MED13L: variants seen among roughly 807,000 people sequenced by gnomAD.
The protein encoded by MED13L is mediator of RNA polymerase II transcription subunit 13-like.
Under a neutral mutation model 220.9 loss-of-function variants are expected in MED13L, and 7 were observed. That is an observed-to-expected ratio of 0.03 (90% CI 0.02 to 0.06). The LOEUF (loss-of-function observed/expected upper bound fraction) is 0.06. MED13L is among the 10% of genes least tolerant of loss of function. The pLI is 1.00. For synonymous variants in MED13L, 1,011 were observed against 1,015.2 expected (o/e 1.00, Z 0.08); for missense variants, 1,965 against 2,760.5 (o/e 0.71, Z 6.46).
intron 2 of MED13L, among the ~76,000 whole-genome samples, chr12:116,186,002 C>T (rs765483654): frequency 1.3e-5 from 2 of 152,136 alleles, no homozygotes; most frequent in African/African-American, 2.4e-5. Flanking sequence ...CCATCATATG[C>T]TTTTCTTTCT....
intron 4 of MED13L, among the ~76,000 whole-genome samples, chr12:116,068,339 T>G (rs1870111256): frequency 6.6e-6 from 1 of 152,216 alleles, no homozygotes; most frequent in African/African-American, 2.4e-5. Flanking sequence ...AATAAGAGCT[T>G]TTAAAACAAA....
At chr12:116,170,972 C>T (rs1226851245) in intron 2 of MED13L, among the ~76,000 whole-genome samples, 2 of 152,224 alleles carry the variant, frequency 1.3e-5, no homozygotes, top group Admixed American at 1.3e-4. Flanking sequence ...AATACAACTA[C>T]CAGAGTTGTT....
At chr12:116,222,812 G>C (rs923669397) in intron 2 of MED13L, among the ~76,000 whole-genome samples, 1 of 152,138 alleles carries the variant, frequency 6.6e-6, no homozygotes, top group African/African-American at 2.4e-5. Flanking sequence ...ATTTAGAAAG[G>C]AGATGCAACC....
At chr12:116,274,636 G>A (rs1302089639) in intron 1 of MED13L, among the ~76,000 whole-genome samples, 1 of 151,280 alleles carries the variant, frequency 6.6e-6, no homozygotes. Flanking sequence ...TCTCAATTTG[G>A]AATCAGAAAA....
intron 2 of MED13L, among the ~76,000 whole-genome samples, chr12:116,177,110 C>A (rs73398814): frequency 0.018 from 2,780 of 152,128 alleles, 80 homozygotes; most frequent in African/African-American, 0.064. Context: ...TTAATTTTCA[C>A]AAAGTGAACA....
At chr12:116,088,460 T>C (rs745715046) in intron 4 of MED13L, among the ~76,000 whole-genome samples, 32 of 152,154 alleles carry the variant, frequency 2.1e-4, no homozygotes, top group South Asian at 4.1e-4. Context: ...AATCTGGCAC[T>C]ATCTGGAGAC....
At chr12:116,053,633 G>T (rs1273974295) in intron 4 of MED13L, among the ~76,000 whole-genome samples, 1 of 152,110 alleles carries the variant, frequency 6.6e-6, no homozygotes, top group Non-Finnish European at 1.5e-5. Flanking sequence ...TGAAGCAGAA[G>T]GGAGGAAGGG....
chr12:116,103,999 C>CTTTTTTTTTTTTTTTTTT (rs36066243), intron 3 of MED13L, among the ~76,000 whole-genome samples: 5 of 57,418 alleles, frequency 8.7e-5, no homozygotes, highest in Non-Finnish European at 1.5e-4. Context: ...GGACATTGCT[C>CTTTTTTTTTTTTTTTTTT]TTTTTTTTTT....
At chr12:116,250,836 T>C (rs575680286) in intron 1 of MED13L, among the ~76,000 whole-genome samples, 6 of 151,052 alleles carry the variant, frequency 4.0e-5, no homozygotes, top group African/African-American at 1.5e-4. Flanking sequence ...TAAAGGCTTA[T>C]TAACTGTTTA....
At chr12:116,187,749 C>T (rs991868240) in intron 2 of MED13L, among the ~76,000 whole-genome samples, 1 of 152,012 alleles carries the variant, frequency 6.6e-6, no homozygotes, top group African/African-American at 2.4e-5. Context: ...TAATCAAATA[C>T]CATGCAAACT....
chr12:116,165,259 C>CTTTTTTTTTTTTTTTT (rs34196219), intron 2 of MED13L, among the ~76,000 whole-genome samples: 1 of 74,486 alleles, frequency 1.3e-5, no homozygotes, highest in African/African-American at 5.9e-5. Flanking sequence ...AGGCACCATC[C>CTTTTTTTTTTTTTTTT]TTTTTTTTTT....
rs771909088 is a variant in MED13L at position 115,972,137 on chromosome 12, G to C, written c.5831C>G (p.Ser1944Cys). The part of the protein sequence containing the change: ...MCGISAADSP[S>C]ILSACLVAME... ...GGCAACCAGGCAGGCACTAAGGATA[G>C]AAGGAGAGTCTGCGGCAGAGATTCC... The change falls in exon 26 of 31, where the codon TCT becomes TGT. Residue 1944 changes from serine (S) to cysteine (C), a missense_variant. By Grantham distance (112) the Ser-to-Cys change is moderately radical. Around this residue, in one of 10 missense-constraint regions of MED13L, gnomAD observed 23 missense variants for 20.4 expected, o/e 1.12. Coordinates refer to ENST00000281928, the MANE Select transcript of MED13L (RefSeq NM_015335.5). The C allele has an allele frequency of 1.9e-6, 3 of 1,614,050 alleles. No individual in the cohort carries two copies. The South Asian group carries it at 3.3e-5, about 18-fold the overall frequency.
chr12:116,216,652 C>T (rs140474374), intron 2 of MED13L, among the ~76,000 whole-genome samples: 57 of 152,246 alleles, frequency 3.7e-4, no homozygotes, highest in African/African-American at 1.3e-3. Context: ...TGGGGGAAAA[C>T]TGTGAAAGGT....
At chr12:116,111,781 C>T (rs1874112598) in intron 2 of MED13L, among the ~76,000 whole-genome samples, 1 of 152,134 alleles carries the variant, frequency 6.6e-6, no homozygotes, top group Non-Finnish European at 1.5e-5. Context: ...TTACAATCTG[C>T]TTCTTCAAAG....
intron 4 of MED13L, among the ~76,000 whole-genome samples, chr12:116,070,687 C>A (rs983521474): frequency 1.3e-5 from 2 of 152,118 alleles, no homozygotes; most frequent in East Asian, 3.8e-4. Context: ...CCTAGAGGCC[C>A]TTAAAGATGG....
chr12:116,172,610 A>G (rs570070000), intron 2 of MED13L, among the ~76,000 whole-genome samples: 27 of 152,304 alleles, frequency 1.8e-4, no homozygotes, highest in African/African-American at 6.3e-4. Flanking sequence ...CAGCATAGTG[A>G]AAAGTGTTGA....
At chr12:116,243,274 C>T (rs1484127414) in intron 1 of MED13L, among the ~76,000 whole-genome samples, 2 of 152,048 alleles carry the variant, frequency 1.3e-5, no homozygotes, top group Admixed American at 6.6e-5. Flanking sequence ...TTGAACTTAA[C>T]CCATTTATGC....
At position 116,019,387 on chromosome 12, in the gene MED13L, T is replaced by C; in HGVS notation, c.846A>G (p.Ser282=). ...IVGGVRMVYP[S]AFVLISQNDI... Reference sequence around the variant, plus strand: ...CATTCTGAGAGATCAAAACAAATGCTGAAGGGTAAACCATCCGAACACCAC... The same window carrying C: ...CATTCTGAGAGATCAAAACAAATGCCGAAGGGTAAACCATCCGAACACCAC... Residue 282 remains serine (S), a synonymous_variant, in exon 7 of 31, where the codon TCA becomes TCG. Transcript: ENST00000281928. 2 of 1,613,972 alleles carry C rather than the reference T, an allele frequency of 1.2e-6. No individual in the cohort carries two copies. The highest frequency in any genetic ancestry group is 1.7e-6 in the Non-Finnish European group (2 of 1,179,924).
At chr12:116,029,041 C>T (rs977516639) in intron 4 of MED13L, among the ~76,000 whole-genome samples, 68 of 152,050 alleles carry the variant, frequency 4.5e-4, no homozygotes, top group African/African-American at 1.6e-3. Context: ...TTTCTTCATC[C>T]TCTACCAACT....
Sources: gnomAD v4.1 joint callset for allele counts (sites outside exome capture counted in the v4.1 genomes callset) on GRCh38, gnomAD v4.1.1 for gene constraint, gnomAD v4.1.1 regional missense constraint, MANE v1.5 for transcripts, NCBI Gene and HGNC (gene_info 2026-07-23, HGNC 2026-07-21) for gene names.